STX8: variants seen among roughly 807,000 people sequenced by gnomAD.
STX8 encodes the protein syntaxin 8.
In STX8, 23 loss-of-function variants were observed where a neutral mutation model predicts 37.5. The ratio of observed to expected loss-of-function variants is 0.61; its 90% confidence interval spans 0.44 to 0.87. The LOEUF is 0.87. Among genes scored for constraint, STX8 ranks in the 40% least tolerant of loss-of-function variants. The pLI, the probability that STX8 is intolerant of heterozygous loss-of-function variation, is 0.00. For missense variants in STX8, 313 were observed against 284.7 expected, an observed-to-expected ratio of 1.10 and a Z score of -0.71; for synonymous variants, 115 against 99.1, an observed-to-expected ratio of 1.16 and a Z score of -0.95.
intron 6 of STX8, among the ~76,000 whole-genome samples, chr17:9,434,099 G>C (rs770190102): frequency 6.6e-6 from 1 of 152,092 alleles, no homozygotes; most frequent in African/African-American, 2.4e-5. Flanking sequence ...CGCCTCCCAG[G>C]TTCAAGCAAT....
chr17:9,386,577 G>GGGCA (rs957695108), intron 6 of STX8, among the ~76,000 whole-genome samples: 110 of 152,028 alleles, frequency 7.2e-4, no homozygotes, highest in African/African-American at 2.3e-3. Context: ...GCTGGCAGGC[G>GGGCA]GGCAGGCAGG....
intron 7 of STX8, among the ~76,000 whole-genome samples, chr17:9,305,226 G>A (rs1024895521): frequency 3.3e-5 from 5 of 151,952 alleles, no homozygotes; most frequent in African/African-American, 7.3e-5. Context: ...CCAAGTAGCT[G>A]GGATTACAGG....
intron 4 of STX8, among the ~76,000 whole-genome samples, chr17:9,516,343 A>G (rs1040867160): frequency 6.9e-5 from 9 of 131,136 alleles, no homozygotes; most frequent in East Asian, 2.3e-4. Context: ...ATATATATAT[A>G]GACACCTGTT....
intron 6 of STX8, among the ~76,000 whole-genome samples, chr17:9,425,253 T>G (rs1264494512): frequency 6.6e-6 from 1 of 152,194 alleles, no homozygotes; most frequent in Non-Finnish European, 1.5e-5. Flanking sequence ...TTCTAGGTAG[T>G]CATCGTTCAA....
rs115688436 is a variant in STX8, at chr17:9,564,041, C to A, written c.117+4330G>T. ...AAAGGCTTTTGATAAAATTCAACAC[C>A]ACTTCACGTTAAAAACACTCAATAA... On this transcript the variant is annotated intron_variant, in intron 2 of 7. Coordinates refer to ENST00000306357, the MANE Select transcript of STX8 (RefSeq NM_004853.3). 9.5e-3 allele frequency among the ~76,000 whole-genome samples: 1,443 copies of A among 152,250 alleles called. 30 individuals are homozygous for A. The highest frequency in any genetic ancestry group is 0.033 in the African/African-American group (1,351 of 41,536).
At chr17:9,461,543 A>G (rs561861891) in intron 6 of STX8, among the ~76,000 whole-genome samples, 1 of 152,150 alleles carries the variant, frequency 6.6e-6, no homozygotes, top group Non-Finnish European at 1.5e-5. Flanking sequence ...AAGGGAGGCT[A>G]AACTATTCAG....
intron 6 of STX8, among the ~76,000 whole-genome samples, chr17:9,419,707 C>T (rs1913352404): frequency 2.6e-5 from 4 of 152,164 alleles, no homozygotes; most frequent in Admixed American, 2.6e-4. Context: ...AACTTAACCT[C>T]CACTGAGAAG....
At chr17:9,264,785 G>A (rs1261123006) in intron 7 of STX8, among the ~76,000 whole-genome samples, 2 of 152,178 alleles carry the variant, frequency 1.3e-5, no homozygotes, top group Non-Finnish European at 2.9e-5. Flanking sequence ...AAAACAATAT[G>A]CATATATCAT....
Position 9,428,098 on chromosome 17 carries a change from G to A in STX8, c.542-49445C>T, listed in dbSNP as rs1034785246. Among the ~76,000 whole-genome samples, 16 of 152,284 alleles carry A rather than the reference G, an allele frequency of 1.1e-4. No homozygotes were observed. The South Asian group carries it at 3.1e-3, about 30-fold the overall frequency. On this transcript the variant is annotated intron_variant, in intron 6 of 7. Transcript: ENST00000306357. ...TCAGAGTTCTCACCTGGTTAGAGAA[G>A]GCCCTTTCCAAGTCTCCCATTTCTA...
In STX8 at chr17:9,505,051, C is replaced by A. The variant is rs1388302636; in HGVS notation, c.435G>T (p.Gln145His). The change falls in exon 5 of 8, where the codon CAG becomes CAT. Residue 145 changes from glutamine to histidine, a missense_variant. Transcript: ENST00000306357. ...LGFDEIRQQQ[Q>H]KIIQEQDAGL... ...GATATTTAGTACCTTGGATAATTTTCTGCTGCTGTTGCCGGATTTCATCAA... is the reference window on the plus strand; with the variant it reads ...GATATTTAGTACCTTGGATAATTTTATGCTGCTGTTGCCGGATTTCATCAA... 1.9e-6 allele frequency: 3 copies of A among 1,573,024 alleles called. No homozygotes were observed. In the South Asian group the frequency reaches 3.3e-5, roughly 17 times the overall value.
chr17:9,324,151 C>A (rs1049030905), intron 7 of STX8, among the ~76,000 whole-genome samples: 2 of 141,446 alleles, frequency 1.4e-5, no homozygotes, highest in East Asian at 2.2e-4. Context: ...CACACACACA[C>A]ACACAAACAC....
intron 5 of STX8, among the ~76,000 whole-genome samples, chr17:9,502,537 C>A (rs1321336415): frequency 1.3e-5 from 2 of 152,088 alleles, no homozygotes; most frequent in African/African-American, 4.8e-5. Context: ...CAACACATTG[C>A]AAACCATAAA....
chr17:9,364,283 A>T (rs1026370153), intron 7 of STX8, among the ~76,000 whole-genome samples: 1 of 152,182 alleles, frequency 6.6e-6, no homozygotes, highest in Non-Finnish European at 1.5e-5. Context: ...ATTCTCTTAG[A>T]TTACAGAAGC....
chr17:9,395,075 C>CAA (rs35006071), intron 6 of STX8, among the ~76,000 whole-genome samples: 19 of 137,410 alleles, frequency 1.4e-4, no homozygotes, highest in African/African-American at 2.9e-4. Flanking sequence ...GACCCCGTCT[C>CAA]AAAAAAAAAA....
At chr17:9,300,761 A>G (rs1303538389) in intron 7 of STX8, among the ~76,000 whole-genome samples, 1 of 149,024 alleles carries the variant, frequency 6.7e-6, no homozygotes, top group African/African-American at 2.5e-5. Flanking sequence ...TATTTTGCAT[A>G]TTGCAGAGGT....
At chr17:9,382,274 T>G (rs188145844) in intron 6 of STX8, among the ~76,000 whole-genome samples, 2 of 151,936 alleles carry the variant, frequency 1.3e-5, no homozygotes, top group Admixed American at 1.3e-4. Flanking sequence ...AATGTATGAT[T>G]CAGGAAAGGG....
chr17:9,368,922 C>CTTTT (rs71830909), intron 7 of STX8, among the ~76,000 whole-genome samples: 5 of 145,380 alleles, frequency 3.4e-5, no homozygotes, highest in African/African-American at 1.3e-4. Context: ...ACCTTTTACC[C>CTTTT]TTTTTTTTTT....
intron 6 of STX8, among the ~76,000 whole-genome samples, chr17:9,458,174 G>T (rs775197073): frequency 6.6e-6 from 1 of 152,182 alleles, no homozygotes; most frequent in Non-Finnish European, 1.5e-5. Context: ...TTTTGAGATG[G>T]AGTCTCGCTC....
chr17:9,561,270 C>T, intron 2 of STX8, among the ~76,000 whole-genome samples: 1 of 152,062 alleles, frequency 6.6e-6, no homozygotes. Context: ...TTTACAATGT[C>T]ACTTACAAAA....
Sources: allele counts gnomAD v4.1 joint callset (sites outside exome capture counted in the v4.1 genomes callset), GRCh38; gene constraint gnomAD v4.1.1; transcripts MANE v1.5; gene names NCBI Gene and HGNC (gene_info 2026-07-23, HGNC 2026-07-21).